The following RBFOX1 variants were observed in gnomAD, a reference collection of about 807,000 sequenced individuals.
The protein encoded by RBFOX1 is RNA binding protein fox-1 homolog 1.
Under a neutral mutation model 57.7 loss-of-function variants are expected in RBFOX1, and 8 were observed. The ratio of observed to expected loss-of-function variants is 0.14; its 90% CI spans 0.08 to 0.25. The LOEUF is 0.25. Ranked by LOEUF, RBFOX1 falls within the 10% of genes least tolerant of loss-of-function variation. The pLI is 1.00. For missense variants in RBFOX1, 611 were observed against 548.5 expected (o/e 1.11, Z -1.14); for synonymous variants, 326 against 222.4 (o/e 1.47, Z -4.15).
chr16:5,982,093 A>G (rs12923368), intron 4 of RBFOX1, among the ~76,000 whole-genome samples: 40,906 of 152,026 alleles, frequency 0.27, 5,801 homozygotes, highest in South Asian at 0.32. Flanking sequence ...CTCATGGGGC[A>G]CAGGGCCAGA....
intron 4 of RBFOX1, among the ~76,000 whole-genome samples, chr16:5,871,590 G>A (rs562946339): frequency 3.3e-5 from 5 of 152,240 alleles, no homozygotes; most frequent in East Asian, 1.9e-4. Flanking sequence ...TTACCTGGGC[G>A]CAGCCATTGG....
chr16:7,057,222 A>G (rs1478648642), intron 4 of RBFOX1, among the ~76,000 whole-genome samples: 2 of 152,192 alleles, frequency 1.3e-5, no homozygotes, highest in Non-Finnish European at 2.9e-5. Context: ...ATTTGATTTC[A>G]TGGTGAAGTA....
intron 3 of RBFOX1, among the ~76,000 whole-genome samples, chr16:6,856,537 T>C (rs1210315411): frequency 1.3e-5 from 2 of 152,154 alleles, no homozygotes; most frequent in Non-Finnish European, 2.9e-5. Flanking sequence ...AAATGCTCCC[T>C]CATGAATGTT....
intron 3 of RBFOX1, among the ~76,000 whole-genome samples, chr16:6,740,945 C>T (rs1048762507): frequency 6.6e-6 from 1 of 152,098 alleles, no homozygotes; most frequent in Admixed American, 6.6e-5. Context: ...TCAGGTGGGA[C>T]AAACCAGTCT....
chr16:7,197,937 C>T (rs997472317), intron 4 of RBFOX1, among the ~76,000 whole-genome samples: 1 of 149,038 alleles, frequency 6.7e-6, no homozygotes, highest in Non-Finnish European at 1.5e-5. Context: ...GAAAAATGAT[C>T]ATGTGTTTTC....
chr16:7,564,486 A>AGCCGAGATTGCACCTCTGCACTCC (rs1370659875), intron 5 of RBFOX1, among the ~76,000 whole-genome samples: 1 of 140,468 alleles, frequency 7.1e-6, no homozygotes, highest in African/African-American at 2.7e-5. Context: ...GCTTGCACTC[A>AGCCGAGATTGCACCTCTGCACTCC]GCCGAGATTG....
chr16:6,948,852 G>T (rs1335360548), intron 3 of RBFOX1, among the ~76,000 whole-genome samples: 1 of 152,104 alleles, frequency 6.6e-6, no homozygotes, highest in Non-Finnish European at 1.5e-5. Flanking sequence ...TCAGTCTTCT[G>T]TCCGTCTATA....
At chr16:6,502,860 T>C (rs1490477498) in intron 2 of RBFOX1, among the ~76,000 whole-genome samples, 1 of 152,156 alleles carries the variant, frequency 6.6e-6, no homozygotes. Flanking sequence ...AAATACTAAC[T>C]GGGGTTATGT....
intron 3 of RBFOX1, among the ~76,000 whole-genome samples, chr16:6,841,009 C>A (rs567309636): frequency 6.6e-6 from 1 of 152,072 alleles, no homozygotes; most frequent in African/African-American, 2.4e-5. Flanking sequence ...TCTGCCAGCA[C>A]CTTGGGCTTA....
At chr16:5,472,341 C>T (rs947187025) in intron 2 of RBFOX1, among the ~76,000 whole-genome samples, 3 of 152,030 alleles carry the variant, frequency 2.0e-5, no homozygotes, top group Non-Finnish European at 2.9e-5. Flanking sequence ...TGTAATCCTC[C>T]CAACATTGTC....
chr16:6,640,482 C>G (rs534419480), intron 2 of RBFOX1, among the ~76,000 whole-genome samples: 5 of 152,108 alleles, frequency 3.3e-5, no homozygotes, highest in South Asian at 4.2e-4. Context: ...AGAGCAGGCA[C>G]CTGTAATCCC....
chr16:7,378,488 G>A (rs1479899432), intron 4 of RBFOX1, among the ~76,000 whole-genome samples: 1 of 152,088 alleles, frequency 6.6e-6, no homozygotes, highest in Non-Finnish European at 1.5e-5. Context: ...GCTGGTACTT[G>A]TGTAACATTT....
intron 3 of RBFOX1, among the ~76,000 whole-genome samples, chr16:6,838,727 G>C (rs1021972296): frequency 3.9e-5 from 6 of 152,078 alleles, no homozygotes; most frequent in Non-Finnish European, 8.8e-5. Flanking sequence ...GTCCTGCATC[G>C]GTAATACATT....
At chr16:6,811,135 T>G (rs1851052734) in intron 3 of RBFOX1, among the ~76,000 whole-genome samples, 1 of 152,198 alleles carries the variant, frequency 6.6e-6, no homozygotes, top group South Asian at 2.1e-4. Context: ...GCTGAGTAAC[T>G]TCTAAGGCCT....
chr16:6,456,347 C>A (rs2094772503), intron 2 of RBFOX1, among the ~76,000 whole-genome samples: 1 of 152,170 alleles, frequency 6.6e-6, no homozygotes, highest in African/African-American at 2.4e-5. Flanking sequence ...CTCACCCTGT[C>A]TTCCAGGCTG....
intron 3 of RBFOX1, among the ~76,000 whole-genome samples, chr16:6,853,872 A>G (rs1053217385): frequency 7.9e-5 from 12 of 152,172 alleles, no homozygotes; most frequent in African/African-American, 2.9e-4. Flanking sequence ...TAAATGGTTA[A>G]TATAGCCAGG....
chr16:7,560,032 A>G (rs1044290520), intron 5 of RBFOX1, among the ~76,000 whole-genome samples: 1 of 152,220 alleles, frequency 6.6e-6, no homozygotes, highest in African/African-American at 2.4e-5. Context: ...TCTTGAGTGC[A>G]TAGGAGTATG....
chr16:7,685,434 G>C (rs1034499655), intron 14 of RBFOX1, among the ~76,000 whole-genome samples: 1 of 152,042 alleles, frequency 6.6e-6, no homozygotes, highest in African/African-American at 2.4e-5. Flanking sequence ...CTAACATCGT[G>C]TCATTAATTG....
chr16:6,329,974 C>G (rs953425514), intron 2 of RBFOX1, among the ~76,000 whole-genome samples: 1 of 151,870 alleles, frequency 6.6e-6, no homozygotes, highest in Admixed American at 6.6e-5. Flanking sequence ...AATCAAAAAC[C>G]ACAAGGTGGA....
Sources: allele counts gnomAD v4.1 joint callset (sites outside exome capture counted in the v4.1 genomes callset), GRCh38; gene constraint gnomAD v4.1.1; transcripts MANE v1.5; gene names NCBI Gene and HGNC (gene_info 2026-07-23, HGNC 2026-07-21).